Variants in IQSEC3 observed in about 807,000 individuals in gnomAD.
The protein encoded by IQSEC3 is IQ motif and Sec7 domain ArfGEF 3.
In IQSEC3, 50 loss-of-function variants were observed where a neutral mutation model predicts 105.4. The ratio of observed to expected loss-of-function variants is 0.47; its 90% confidence interval spans 0.38 to 0.60. The LOEUF is 0.60. Ranked by LOEUF, IQSEC3 falls within the 20% of genes least tolerant of loss-of-function variation. The probability of loss-of-function intolerance (pLI) is 0.00; values close to 1 mark genes in which losing one functional copy is unlikely to be tolerated. For missense variants in IQSEC3, 1,415 were observed against 1,630.0 expected (o/e 0.87, Z 2.27); for synonymous variants, 708 against 746.0 (o/e 0.95, Z 0.83).
At chr12:79,917 C>T (rs1314632001) in intron 1 of IQSEC3, among the ~76,000 whole-genome samples, 1 of 152,176 alleles carries the variant, frequency 6.6e-6, no homozygotes, top group African/African-American at 2.4e-5. Flanking sequence ...ATACTAGTAT[C>T]CTATATGCTG....
At chr12:78,335 C>T (rs1381511409) in intron 1 of IQSEC3, among the ~76,000 whole-genome samples, 3 of 151,958 alleles carry the variant, frequency 2.0e-5, no homozygotes, top group South Asian at 2.1e-4. Flanking sequence ...TCGGCCTCCA[C>T]GGGCCGCAGC....
intron 5 of IQSEC3, among the ~76,000 whole-genome samples, chr12:149,911 A>G (rs1342873170): frequency 6.6e-6 from 1 of 152,120 alleles, no homozygotes; most frequent in Non-Finnish European, 1.5e-5. Context: ...CTTTGCTGAG[A>G]AACTTGGGTT....
chr12:174,932 C>A lies in IQSEC3; in HGVS notation c.3448C>A (p.Pro1150Thr). The change falls in exon 14 of 14, where the codon CCC (proline) becomes ACC (threonine). Residue 1150 changes from proline to threonine, a missense_variant. By Grantham distance (38) the Pro-to-Thr change is conservative. This residue lies in a region of IQSEC3 where 419 missense variants were observed against 436.2 expected (regional missense o/e 0.96). Coordinates refer to ENST00000538872, the MANE Select transcript of IQSEC3 (RefSeq NM_001170738.2). ...CAAGGTCACCCACCAGCCTCCGCTG[C>A]CCCCGCCCCCACCCCCCTACAACCA... ...PVKVTHQPPL[P>T]PPPPPYNHPH... is the part of the protein sequence containing the mutation. 2 of 1,196,024 alleles carry A rather than the reference C, an allele frequency of 1.7e-6. No individual in the cohort carries two copies. Among genetic ancestry groups the A allele is most frequent in the Non-Finnish European group, 2.4e-6 (2 of 846,590 alleles). 74.1% of individuals were successfully genotyped at this position (1,196,024 alleles called of 1,614,324 possible). A position where few individuals can be genotyped will look rare whatever the true frequency, so the allele number is the denominator to read the frequency against.
At chr12:125,543 A>T (rs1865359545) in intron 2 of IQSEC3, 90 bp from the exon 3 acceptor site, 1 of 1,308,264 alleles carries the variant, frequency 7.6e-7, no homozygotes. Context: ...AAGGCAGGCC[A>T]GAGTGCCTAG....
At chr12:157,224 G>C (rs781874784) in intron 6 of IQSEC3, 77 bp downstream of exon 6, 103 of 1,448,676 alleles carry the variant, frequency 7.1e-5, no homozygotes, top group Non-Finnish European at 9.0e-5. Context: ...CTGGGAGACA[G>C]GAGATGCTAT....
intron 1 of IQSEC3, among the ~76,000 whole-genome samples, chr12:90,420 T>C (rs1022336374): frequency 2.0e-5 from 3 of 152,236 alleles, no homozygotes; most frequent in Admixed American, 2.0e-4. Context: ...TAAAGCCACA[T>C]ATTATCTTCT....
intron 2 of IQSEC3, among the ~76,000 whole-genome samples, chr12:120,607 G>A (rs898273021): frequency 6.6e-6 from 1 of 152,230 alleles, no homozygotes; most frequent in Admixed American, 6.5e-5. Context: ...GCATAAGCCA[G>A]CTTCCCACCT....
At chr12:141,039 A>C in intron 4 of IQSEC3, 85 bp from the exon 5 acceptor site, 2 of 1,352,708 alleles carry the variant, frequency 1.5e-6, no homozygotes, top group Non-Finnish European at 2.0e-6. Flanking sequence ...ACCTCTGGGT[A>C]CTTCTATGGG....
At position 102,129 on chromosome 12, in the gene IQSEC3, G is replaced by GTCAGTCTGGCTCCTCCCCCA. The variant is rs1864443238; in HGVS notation, c.623+2934_623+2953dup. Among the ~76,000 whole-genome samples the GTCAGTCTGGCTCCTCCCCCA allele has an allele frequency of 8.4e-5, 7 of 83,826 alleles. No individual in the cohort carries two copies. In the East Asian group the frequency reaches 2.2e-3, roughly 26 times the overall value. The allele number at this position is 83,826 out of a possible 152,430, so 55.0% of individuals were successfully genotyped here. On this transcript the variant is annotated intron_variant, in intron 2 of 13. Transcript: ENST00000538872. Reference sequence around the variant, plus strand: ...CCCCCATCAGTCTGGCTCCTCCCCCGTCAGTCTGGCTCCTCCCCCATCAGT... The same window carrying GTCAGTCTGGCTCCTCCCCCA: ...CCCCCATCAGTCTGGCTCCTCCCCCGTCAGTCTGGCTCCTCCCCCATCAGTCTGGCTCCTCCCCCATCAGT...
At chr12:162,119 G>A (rs1866919884) in intron 8 of IQSEC3, 54 bp downstream of exon 8, 9 of 1,591,470 alleles carry the variant, frequency 5.7e-6, no homozygotes, top group Non-Finnish European at 7.7e-6. Context: ...TTTCTTCCTG[G>A]CATCTCTTCC....
At chr12:87,095 A>G (rs1474786584) in intron 1 of IQSEC3, among the ~76,000 whole-genome samples, 1 of 152,102 alleles carries the variant, frequency 6.6e-6, no homozygotes, top group Non-Finnish European at 1.5e-5. Context: ...ATAACAAAAC[A>G]GATCTCTGTT....
chr12:110,285 A>G (rs1488581679), intron 2 of IQSEC3, among the ~76,000 whole-genome samples: 2 of 151,930 alleles, frequency 1.3e-5, no homozygotes, highest in African/African-American at 4.8e-5. Flanking sequence ...TTTCTTAGTA[A>G]TATCAGGCCA....
intron 2 of IQSEC3, among the ~76,000 whole-genome samples, chr12:110,083 G>T (rs1864828976): frequency 6.6e-6 from 1 of 152,192 alleles, no homozygotes; most frequent in Admixed American, 6.5e-5. Context: ...TTCAGGGTCA[G>T]CAGCTTAACT....
At chr12:141,428 C>T (rs1555089243) in intron 5 of IQSEC3, 143 bp downstream of exon 5, 7 of 847,358 alleles carry the variant, frequency 8.3e-6, no homozygotes, top group Non-Finnish European at 1.8e-6. Flanking sequence ...CCAGAATCCC[C>T]TCTTTAGCCC....
chr12:176,722 C>T lies in IQSEC3; in HGVS notation c.*1689C>T, dbSNP rs1939248407. The stretch of plus-strand genomic sequence containing the variant: ...CGGCCCAGTTTCTGTAACTTGCAGC[C>T]AATTTGCCCTCTCCCCTGTGGCTGC... On this transcript the variant is annotated 3_prime_UTR_variant, in exon 14 of 14. Coordinates refer to ENST00000538872, the MANE Select transcript of IQSEC3 (RefSeq NM_001170738.2). The surrounding 1 kb of genome is among the most constrained non-coding windows in gnomAD (Gnocchi z 4.0). 6.6e-6 allele frequency: 1 copy of T among 152,344 alleles called. No individual in the cohort carries two copies. Among genetic ancestry groups the T allele is most frequent in the Non-Finnish European group, 1.5e-5 (1 of 68,104 alleles). 9.4% of individuals were successfully genotyped at this position (152,344 alleles called of 1,614,324 possible).
intron 2 of IQSEC3, among the ~76,000 whole-genome samples, chr12:100,083 G>A (rs1555075798): frequency 6.6e-6 from 1 of 152,092 alleles, no homozygotes; most frequent in Non-Finnish European, 1.5e-5. Flanking sequence ...CAGTCTCTCA[G>A]TCTCCTGTTA....
intron 2 of IQSEC3, among the ~76,000 whole-genome samples, chr12:100,990 A>T (rs2136920549): frequency 6.6e-6 from 1 of 152,176 alleles, no homozygotes; most frequent in South Asian, 2.1e-4. Context: ...GAAGAGAGAA[A>T]AGCTGTCTGG....
At chr12:113,476 T>A (rs1864958033) in intron 2 of IQSEC3, among the ~76,000 whole-genome samples, 1 of 152,254 alleles carries the variant, frequency 6.6e-6, no homozygotes, top group Non-Finnish European at 1.5e-5. Context: ...TTCTTCCTTG[T>A]TCCTGTTTGA....
At chr12:116,523 G>C (rs987689967) in intron 2 of IQSEC3, among the ~76,000 whole-genome samples, 1 of 152,204 alleles carries the variant, frequency 6.6e-6, no homozygotes. Context: ...AAAGGGCTGG[G>C]GTGTAGAGGG....
Sources: gnomAD v4.1 joint callset for allele counts (sites outside exome capture counted in the v4.1 genomes callset) on GRCh38, gnomAD v4.1.1 for gene constraint, gnomAD v4.1.1 regional missense constraint, Gnocchi (gnomAD v3.1) non-coding constraint, MANE v1.5 for transcripts, NCBI Gene and HGNC (gene_info 2026-07-23, HGNC 2026-07-21) for gene names.